SNX30: variants seen among roughly 807,000 people sequenced by gnomAD.
The protein encoded by SNX30 is sorting nexin family member 30.
A neutral mutation model predicts 46.4 loss-of-function variants in SNX30; 24 were observed. The ratio of observed to expected loss-of-function variants is 0.52; its 90% CI spans 0.37 to 0.73. The LOEUF (loss-of-function observed/expected upper bound fraction) is 0.73. SNX30 is among the 30% of genes least tolerant of loss of function. SNX30 has a pLI of 0.00. For missense variants in SNX30, 533 were observed against 555.7 expected, an observed-to-expected ratio of 0.96 and a Z score of 0.41; for synonymous variants, 189 against 211.5, an observed-to-expected ratio of 0.89 and a Z score of 0.92.
At chr9:112,847,853 A>T (rs1183010150) in intron 6 of SNX30, among the ~76,000 whole-genome samples, 1 of 152,178 alleles carries the variant, frequency 6.6e-6, no homozygotes, top group Non-Finnish European at 1.5e-5. Flanking sequence ...TGCCTTCCCC[A>T]AACCCTTGGT....
intron 4 of SNX30, among the ~76,000 whole-genome samples, chr9:112,831,961 G>T (rs190251568): frequency 6.6e-6 from 1 of 152,244 alleles, no homozygotes; most frequent in East Asian, 1.9e-4. Context: ...TGTTGGCAAG[G>T]GTATTGTGGT....
chr9:112,869,441 A>G lies in SNX30; in HGVS notation c.*598A>G, dbSNP rs1014048677. The G allele has an allele frequency of 6.5e-6, 1 of 153,636 alleles. No homozygotes were observed. Among genetic ancestry groups the G allele is most frequent in the African/African-American group, 2.4e-5 (1 of 41,414 alleles). The allele number at this position is 153,636 out of a possible 1,614,324, so 9.5% of individuals were successfully genotyped here. On this transcript the variant is annotated 3_prime_UTR_variant, in exon 9 of 9. Coordinates refer to ENST00000374232, the MANE Select transcript of SNX30 (RefSeq NM_001012994.2). ...TACCGTCTTACTGTTTCTGTTTCAC[A>G]TAGGGACATTTAAATCAATGTCAAT...
chr9:112,876,268 T>A (rs535470630), downstream of SNX30, among the ~76,000 whole-genome samples: 1 of 152,116 alleles, frequency 6.6e-6, no homozygotes, highest in African/African-American at 2.4e-5. Context: ...GACTGGAAGA[T>A]TGCCAGCCTG....
chr9:112,755,571 C>T (rs1431775462), intron 1 of SNX30, among the ~76,000 whole-genome samples: 1 of 151,896 alleles, frequency 6.6e-6, no homozygotes, highest in Admixed American at 6.6e-5. Flanking sequence ...TGAAAAGGAT[C>T]ACATAGGCTG....
downstream of SNX30, among the ~76,000 whole-genome samples, chr9:112,884,114 A>C (rs573326594): frequency 6.6e-6 from 1 of 152,372 alleles, no homozygotes; most frequent in South Asian, 2.1e-4. Context: ...TCCCTATTGC[A>C]TCTAAAGAGC....
chr9:112,876,318 AAGAC>A (rs1242206370), downstream of SNX30, among the ~76,000 whole-genome samples: 3 of 152,036 alleles, frequency 2.0e-5, no homozygotes, highest in African/African-American at 4.8e-5. Flanking sequence ...TTAGGAGAGA[AAGAC>A]AGAATATGGA....
chr9:112,781,209 C>A (rs897622008), intron 1 of SNX30, among the ~76,000 whole-genome samples: 1 of 152,028 alleles, frequency 6.6e-6, no homozygotes. Flanking sequence ...ATCTTGTTTT[C>A]ATTTTCATTT....
At chr9:112,843,363 T>C (rs974631028) in intron 6 of SNX30, among the ~76,000 whole-genome samples, 1 of 151,970 alleles carries the variant, frequency 6.6e-6, no homozygotes, top group Non-Finnish European at 1.5e-5. Context: ...GGGGTGAGGG[T>C]CTGAAGTAAG....
In SNX30 at chr9:112,770,440, G is replaced by C. The variant is rs570900643; in HGVS notation, c.156+19283G>C. 4.0e-5 allele frequency among the ~76,000 whole-genome samples: 6 copies of C among 151,816 alleles called. No homozygotes were observed. The East Asian group carries it at 1.2e-3, about 30-fold the overall frequency. ...CCCACCTCGTCCCCCCAAAGTGCTG[G>C]GATTACAGGTATGAGCCACCGCGCC... On this transcript the variant is annotated intron_variant, in intron 1 of 8. Transcript: ENST00000374232.
downstream of SNX30, among the ~76,000 whole-genome samples, chr9:112,876,401 C>T (rs1469422200): frequency 6.7e-6 from 1 of 149,192 alleles, no homozygotes; most frequent in East Asian, 2.0e-4. Flanking sequence ...ATCACTTGAG[C>T]CCAAGAGTTA....
intron 1 of SNX30, among the ~76,000 whole-genome samples, chr9:112,768,624 G>GT (rs1839585933): frequency 8.9e-6 from 1 of 112,666 alleles, no homozygotes; most frequent in East Asian, 2.6e-4. Flanking sequence ...TTTTTGTAAA[G>GT]TTTCTCTAGA....
At chr9:112,858,197 T>C (rs1441283345) in intron 7 of SNX30, among the ~76,000 whole-genome samples, 1 of 152,110 alleles carries the variant, frequency 6.6e-6, no homozygotes, top group Admixed American at 6.5e-5. Flanking sequence ...AATACCTCAG[T>C]CACGAAAATT....
intron 1 of SNX30, among the ~76,000 whole-genome samples, chr9:112,764,589 C>T (rs113155830): frequency 2.0e-5 from 3 of 151,880 alleles, no homozygotes; most frequent in African/African-American, 4.8e-5. Context: ...GGAACAGGGC[C>T]GTGTTTGGGG....
At chr9:112,757,263 G>A (rs1037467462) in intron 1 of SNX30, among the ~76,000 whole-genome samples, 17 of 152,176 alleles carry the variant, frequency 1.1e-4, no homozygotes, top group Middle Eastern at 3.4e-3. Flanking sequence ...TTCTGTGTCC[G>A]GCTTGTTGCA....
At chr9:112,771,362 A>C (rs574789457) in intron 1 of SNX30, among the ~76,000 whole-genome samples, 1 of 152,234 alleles carries the variant, frequency 6.6e-6, no homozygotes, top group African/African-American at 2.4e-5. Context: ...TGGTTTTGTA[A>C]ACTATGGTAG....
chr9:112,829,845 A>T (rs1840634216), intron 3 of SNX30, among the ~76,000 whole-genome samples: 1 of 151,864 alleles, frequency 6.6e-6, no homozygotes, highest in Non-Finnish European at 1.5e-5. Context: ...GGTTTTACTG[A>T]TGTTAAGCAT....
chr9:112,794,013 CTTTG>C (rs1840068046), intron 1 of SNX30, among the ~76,000 whole-genome samples: 1 of 151,662 alleles, frequency 6.6e-6, no homozygotes, highest in Non-Finnish European at 1.5e-5. Flanking sequence ...ACTCTGTGTT[CTTTG>C]TATCATGAAC....
At chr9:112,759,874 G>A (rs1035230073) in intron 1 of SNX30, among the ~76,000 whole-genome samples, 1 of 152,174 alleles carries the variant, frequency 6.6e-6, no homozygotes, top group African/African-American at 2.4e-5. Flanking sequence ...TAACAGATGT[G>A]CCCATGTCAC....
chr9:112,832,967 T>G (rs888143200), intron 4 of SNX30, among the ~76,000 whole-genome samples: 9 of 151,426 alleles, frequency 5.9e-5, no homozygotes, highest in Middle Eastern at 3.4e-3. Context: ...CAGAACAAAT[T>G]TTAGCCCTAA....
Sources: allele counts gnomAD v4.1 joint callset (sites outside exome capture counted in the v4.1 genomes callset), GRCh38; gene constraint gnomAD v4.1.1; transcripts MANE v1.5; gene names NCBI Gene and HGNC (gene_info 2026-07-23, HGNC 2026-07-21).